Variants in GALR1 observed in about 807,000 individuals in gnomAD.
GALR1 encodes galanin receptor 1.
GALR1 carries 11 observed loss-of-function variants against 17.9 expected under a neutral mutation model. That is an observed-to-expected ratio of 0.62 (90% CI 0.39 to 1.02). GALR1 has a LOEUF of 1.02. GALR1 is among the 50% of genes least tolerant of loss of function. The pLI, the probability that GALR1 is intolerant of heterozygous loss-of-function variation, is 0.01. For synonymous variants in GALR1, 206 were observed against 205.7 expected, an observed-to-expected ratio of 1.00 and a Z score of -0.01; for missense variants, 441 against 456.9, an observed-to-expected ratio of 0.97 and a Z score of 0.32.
chr18:77,268,519 C>T lies in GALR1; in HGVS notation c.733-66C>T, dbSNP rs1912988866. 14 of 1,048,890 alleles carry T rather than the reference C, an allele frequency of 1.3e-5. 1 individual carries two copies. The highest frequency in any genetic ancestry group is 2.0e-5 in the Non-Finnish European group (14 of 705,834). 65.0% of individuals were successfully genotyped at this position (1,048,890 alleles called of 1,614,324 possible). ...TTTTGTGTTGTAATCAATGAATTTC[C>T]TTCCTTCTTCTTCTCCCTTACCGCC... On this transcript the variant is annotated intron_variant, in intron 2 of 2. Transcript: ENST00000299727.
rs1913142686 is a variant in GALR1, at chr18:77,275,701, A to G, written c.*6799A>G. ...AAAAGAAAGGAAACAGGGTACACAA[A>G]TGCTGTTTGGGAACATTGTGTCAGG... On this transcript the variant is annotated 3_prime_UTR_variant, in exon 3 of 3. Coordinates refer to ENST00000299727, the MANE Select transcript of GALR1 (RefSeq NM_001480.4). 1 of 152,208 alleles carries G rather than the reference A, an allele frequency of 6.6e-6. No homozygotes were observed. The highest frequency in any genetic ancestry group is 1.5e-5 in the Non-Finnish European group (1 of 68,042). 9.4% of individuals were successfully genotyped at this position (152,208 alleles called of 1,614,324 possible).
At chr18:77,266,986 C>T (rs143782018) in intron 2 of GALR1, among the ~76,000 whole-genome samples, 4 of 152,324 alleles carry the variant, frequency 2.6e-5, no homozygotes, top group Admixed American at 1.3e-4. Context: ...AATATTACAG[C>T]CTGGACTATG....
At chr18:77,260,355 T>C (rs1912804022) in intron 2 of GALR1, among the ~76,000 whole-genome samples, 3 of 152,150 alleles carry the variant, frequency 2.0e-5, no homozygotes, top group African/African-American at 7.2e-5. Flanking sequence ...AAGGCAGCTC[T>C]CTGGGCCTCT....
rs538589787 is a variant in GALR1, at chr18:77,270,137, G to A, written c.*1235G>A. On this transcript the variant is annotated 3_prime_UTR_variant, in exon 3 of 3. Transcript: ENST00000299727. ...TGAAAATATTAAATTGTCTTGTATC[G>A]GAAAAGTACTTTTCAGACTGTAAGA... 2.2e-4 allele frequency: 34 copies of A among 152,202 alleles called. No homozygotes were observed. Among genetic ancestry groups the A allele is most frequent in the Admixed American group, 1.4e-3 (22 of 15,282 alleles). 9.4% of individuals were successfully genotyped at this position (152,202 alleles called of 1,614,324 possible).
At chr18:77,268,469 G>T in intron 2 of GALR1, 116 bp from the exon 3 acceptor site, 2 of 700,806 alleles carry the variant, frequency 2.9e-6, no homozygotes, top group East Asian at 5.0e-5. Context: ...ATTAGCTTAG[G>T]ATGTATTTTA....
Position 77,254,381 on chromosome 18 carries a change from T to C in GALR1, c.667-1777T>C, listed in dbSNP as rs112525469. On this transcript the variant is annotated intron_variant, in intron 1 of 2. Transcript: ENST00000299727. ...TTGAGTATTTTCTCCATTGACCATT[T>C]AACAGCATTCAACATTCTTGGGTGT... 1.4e-4 allele frequency among the ~76,000 whole-genome samples: 21 copies of C among 152,356 alleles called. 3 individuals are homozygous for C. Among genetic ancestry groups the C allele is most frequent in the African/African-American group, 4.8e-4 (20 of 41,574 alleles).
At chr18:77,266,906 A>T (rs977459591) in intron 2 of GALR1, among the ~76,000 whole-genome samples, 1 of 152,198 alleles carries the variant, frequency 6.6e-6, no homozygotes, top group African/African-American at 2.4e-5. Context: ...TCACAGCCAA[A>T]CCATATCAGT....
Position 77,249,877 on chromosome 18 carries a change from C to T in GALR1, c.-672C>T, listed in dbSNP as rs570701983. Among the ~76,000 whole-genome samples, 1 of 152,352 alleles carries T rather than the reference C, an allele frequency of 6.6e-6. No homozygotes were observed. The highest frequency in any genetic ancestry group is 2.4e-5 in the African/African-American group (1 of 41,590). The stretch of plus-strand genomic sequence containing the variant: ...TCGCCTCTCAGTTGCAGCAGAGAAG[C>T]CCCTGGCACCCGACTCTATCCACCA... On this transcript the variant is annotated 5_prime_UTR_variant, in exon 1 of 3. Transcript: ENST00000299727.
chr18:77,250,086 C>G lies in GALR1; in HGVS notation c.-463C>G, dbSNP rs1912356712. Among the ~76,000 whole-genome samples, 1 of 152,216 alleles carries G rather than the reference C, an allele frequency of 6.6e-6. No individual in the cohort carries two copies. The highest frequency in any genetic ancestry group is 2.1e-4 in the South Asian group (1 of 4,832). ...CGCGCTGGGCAGTGCGGGGAAGCGCCGCGGGAAGGAGCGGCTCCGAGCAAC... is the reference window on the plus strand; with the variant it reads ...CGCGCTGGGCAGTGCGGGGAAGCGCGGCGGGAAGGAGCGGCTCCGAGCAAC... On this transcript the variant is annotated 5_prime_UTR_variant, in exon 1 of 3. Coordinates refer to ENST00000299727, the MANE Select transcript of GALR1 (RefSeq NM_001480.4).
At chr18:77,259,033 G>A (rs1273014129) in intron 2 of GALR1, among the ~76,000 whole-genome samples, 2 of 13,004 alleles carry the variant, frequency 1.5e-4, no homozygotes, top group Non-Finnish European at 3.1e-4. Flanking sequence ...GTTGGTGGTG[G>A]TCATGATGGT....
At chr18:77,264,148 A>C (rs1246949291) in intron 2 of GALR1, among the ~76,000 whole-genome samples, 1 of 144,842 alleles carries the variant, frequency 6.9e-6, no homozygotes, top group Non-Finnish European at 1.6e-5. Flanking sequence ...AAAAAAAAAA[A>C]AAAAAAAAAA....
At chr18:77,254,749 T>C (rs1324467827) in intron 1 of GALR1, among the ~76,000 whole-genome samples, 1 of 152,212 alleles carries the variant, frequency 6.6e-6, no homozygotes, top group East Asian at 1.9e-4. Flanking sequence ...CAGGTTTTGA[T>C]ACTCCCATTT....
intron 2 of GALR1, among the ~76,000 whole-genome samples, chr18:77,260,308 A>G (rs1272984934): frequency 2.0e-5 from 3 of 152,044 alleles, no homozygotes; most frequent in Non-Finnish European, 4.4e-5. Context: ...CTCTTTCATA[A>G]GGGGACTGGT....
rs13306374 is a variant in GALR1 at position 77,250,268 on chromosome 18, A to C, written c.-281A>C. On this transcript the variant is annotated 5_prime_UTR_variant, in exon 1 of 3. Coordinates refer to ENST00000299727, the MANE Select transcript of GALR1 (RefSeq NM_001480.4). Reference sequence around the variant, plus strand: ...CGCGCAGCGGGCGGAGGCGCCCGGGAAGGGGACCCCAGTGCTCTCGAGATC... The same window carrying C: ...CGCGCAGCGGGCGGAGGCGCCCGGGCAGGGGACCCCAGTGCTCTCGAGATC... Among the ~76,000 whole-genome samples the C allele has an allele frequency of 0.41, 62,154 of 152,042 alleles. 13,014 individuals carry two copies. The highest frequency in any genetic ancestry group is 0.46 in the Non-Finnish European group (31,092 of 67,926).
chr18:77,257,909 A>G (rs1912628838), intron 2 of GALR1, among the ~76,000 whole-genome samples: 1 of 152,240 alleles, frequency 6.6e-6, no homozygotes, highest in South Asian at 2.1e-4. Flanking sequence ...TCTGTGATAA[A>G]TGTGTGTTAA....
At chr18:77,264,727 G>A (rs538947705) in intron 2 of GALR1, among the ~76,000 whole-genome samples, 2 of 152,276 alleles carry the variant, frequency 1.3e-5, no homozygotes, top group African/African-American at 4.8e-5. Context: ...TATGGTGGAA[G>A]GGAAAGCAAA....
chr18:77,267,599 G>A (rs898443494), intron 2 of GALR1, among the ~76,000 whole-genome samples: 3 of 152,238 alleles, frequency 2.0e-5, no homozygotes, highest in African/African-American at 4.8e-5. Context: ...CCATCTGTTT[G>A]AGGAGAGAAC....
rs1599367611 is a variant in GALR1, at chr18:77,272,731, T to G, written c.*3829T>G. On this transcript the variant is annotated 3_prime_UTR_variant, in exon 3 of 3. Transcript: ENST00000299727. The stretch of plus-strand genomic sequence containing the variant: ...TCTCAAGTAGATGTTAATGACTTGT[T>G]TAATTATTGACTTACTTATTTTAAA... 2 of 152,244 alleles carry G rather than the reference T, an allele frequency of 1.3e-5. No homozygotes were observed. Among genetic ancestry groups the G allele is most frequent in the East Asian group, 3.8e-4 (2 of 5,200 alleles). The allele number at this position is 152,244 out of a possible 1,614,324, so 9.4% of individuals were successfully genotyped here.
intron 2 of GALR1, 38 bp downstream of exon 2, chr18:77,256,261 A>G (rs1157890604): frequency 8.5e-7 from 1 of 1,170,508 alleles, no homozygotes; most frequent in African/African-American, 1.5e-5. Context: ...GTTACTTTTC[A>G]GAGCTTAGTT....
Sources: gnomAD v4.1 joint callset for allele counts (sites outside exome capture counted in the v4.1 genomes callset) on GRCh38, gnomAD v4.1.1 for gene constraint, MANE v1.5 for transcripts, NCBI Gene and HGNC (gene_info 2026-07-23, HGNC 2026-07-21) for gene names.